KCNIP4: variants seen among roughly 807,000 people sequenced by gnomAD.
The protein encoded by KCNIP4 is Kv channel-interacting protein 4.
A neutral mutation model predicts 34.0 loss-of-function variants in KCNIP4; 12 were observed. That is an observed-to-expected ratio of 0.35 (90% CI 0.23 to 0.57). KCNIP4 has a LOEUF of 0.57. KCNIP4 is among the 20% of genes least tolerant of loss of function. KCNIP4 has a pLI of 0.83. For missense variants in KCNIP4, 238 were observed against 311.7 expected (o/e 0.76, Z 1.78); for synonymous variants, 124 against 102.2 (o/e 1.21, Z -1.29).
Position 21,460,892 on chromosome 4 carries a change from C to T in KCNIP4, c.61+487679G>A, listed in dbSNP as rs1199747295. Among the ~76,000 whole-genome samples the T allele has an allele frequency of 2.0e-5, 3 of 151,994 alleles. No homozygotes were observed. In the East Asian group the frequency reaches 5.8e-4, roughly 29 times the overall value. On this transcript the variant is annotated intron_variant, in intron 1 of 8. Coordinates refer to ENST00000382152, the MANE Select transcript of KCNIP4 (RefSeq NM_025221.6). Reference sequence around the variant, plus strand: ...ATGTATCCTTTAGACCCCTGCTAGTCATGATGTGGTTTGTGGACCAGTGCA... The same window carrying T: ...ATGTATCCTTTAGACCCCTGCTAGTTATGATGTGGTTTGTGGACCAGTGCA...
At chr4:21,376,880 C>G (rs1299057614) in intron 1 of KCNIP4, among the ~76,000 whole-genome samples, 1 of 152,134 alleles carries the variant, frequency 6.6e-6, no homozygotes, top group East Asian at 1.9e-4. Context: ...ATGCATATGA[C>G]AGATTATTAT....
At chr4:20,885,121 T>C (rs562106712) in intron 1 of KCNIP4, among the ~76,000 whole-genome samples, 1 of 151,832 alleles carries the variant, frequency 6.6e-6, no homozygotes, top group Admixed American at 6.6e-5. Context: ...AAGCTAACTT[T>C]GGGAGAAATT....
chr4:21,031,308 C>T lies in KCNIP4; in HGVS notation c.62-148599G>A, dbSNP rs547256727. On this transcript the variant is annotated intron_variant, in intron 1 of 8. Transcript: ENST00000382152. ...CATTGAATCCTCACTCTGTGCCAGACATCTTTCATTTATGAAATAGTAGCT... is the reference window on the plus strand; with the variant it reads ...CATTGAATCCTCACTCTGTGCCAGATATCTTTCATTTATGAAATAGTAGCT... 8.7e-4 allele frequency among the ~76,000 whole-genome samples: 133 copies of T among 152,320 alleles called. 3 individuals are homozygous for T. In the South Asian group the frequency reaches 0.024, roughly 28 times the overall value.
intron 1 of KCNIP4, chr4:21,851,720 T>C (rs896869786): frequency 6.6e-5 from 10 of 152,062 alleles, no homozygotes; most frequent in East Asian, 1.9e-4. Flanking sequence ...TCCAACCAAA[T>C]TGCGGAAAAG....
At chr4:21,723,093 T>G (rs1016468583) in intron 1 of KCNIP4, among the ~76,000 whole-genome samples, 1 of 152,106 alleles carries the variant, frequency 6.6e-6, no homozygotes, top group Non-Finnish European at 1.5e-5. Flanking sequence ...ATCTAATGGG[T>G]CTATGAAAAG....
chr4:20,728,713 T>C lies in KCNIP4; in HGVS notation c.*1369A>G, dbSNP rs1311850135. ...ATGGCAAATTTCAGTGTACATGTAT[T>C]GTACTACTCTTAATTTCTACACTGG... On this transcript the variant is annotated 3_prime_UTR_variant, in exon 9 of 9. Transcript: ENST00000382152. The C allele has an allele frequency of 1.3e-5, 2 of 152,640 alleles. No individual in the cohort carries two copies. The highest frequency in any genetic ancestry group is 4.8e-5 in the African/African-American group (2 of 41,476). 9.5% of individuals were successfully genotyped at this position (152,640 alleles called of 1,614,324 possible). A position where few individuals can be genotyped will look rare whatever the true frequency, so the allele number is the denominator to read the frequency against.
chr4:21,219,801 A>C (rs1297697708), intron 1 of KCNIP4, among the ~76,000 whole-genome samples: 1 of 152,068 alleles, frequency 6.6e-6, no homozygotes, highest in Non-Finnish European at 1.5e-5. Flanking sequence ...TTTAGTTTTA[A>C]AATTAGAGAT....
At chr4:21,791,588 GT>G (rs1306199969) in intron 1 of KCNIP4, among the ~76,000 whole-genome samples, 1 of 152,112 alleles carries the variant, frequency 6.6e-6, no homozygotes, top group African/African-American at 2.4e-5. Context: ...ACTCACTCTG[GT>G]GAGTAAGATG....
At chr4:20,947,403 A>T (rs770123223) in intron 1 of KCNIP4, among the ~76,000 whole-genome samples, 51 of 152,140 alleles carry the variant, frequency 3.4e-4, no homozygotes, top group Admixed American at 5.9e-4. Flanking sequence ...TCCTGCCCTC[A>T]TGTGGTCCAC....
chr4:21,901,873 C>T (rs2108969057), intron 1 of KCNIP4, among the ~76,000 whole-genome samples: 1 of 152,166 alleles, frequency 6.6e-6, no homozygotes, highest in Non-Finnish European at 1.5e-5. Context: ...TCAGAATAGG[C>T]CCTCCTATTC....
intron 1 of KCNIP4, among the ~76,000 whole-genome samples, chr4:21,524,820 C>T (rs1246953825): frequency 1.3e-5 from 2 of 151,916 alleles, no homozygotes; most frequent in African/African-American, 2.4e-5. Flanking sequence ...TTGCATCATG[C>T]GTAGTGCCTT....
At chr4:20,927,133 C>T (rs1034456628) in intron 1 of KCNIP4, among the ~76,000 whole-genome samples, 3 of 152,032 alleles carry the variant, frequency 2.0e-5, no homozygotes, top group African/African-American at 7.2e-5. Flanking sequence ...TCCATGTCAC[C>T]ACACCTGGCT....
chr4:21,928,263 G>A (rs1156721415), intron 1 of KCNIP4, among the ~76,000 whole-genome samples: 2 of 151,958 alleles, frequency 1.3e-5, no homozygotes, highest in African/African-American at 2.4e-5. Flanking sequence ...GTCACCCTCT[G>A]GAGCCCTGGA....
chr4:21,519,796 T>TACACGTGTGTGTATGTGTGTGTATAC (rs1406517625), intron 1 of KCNIP4, among the ~76,000 whole-genome samples: 147 of 131,266 alleles, frequency 1.1e-3, no homozygotes, highest in Non-Finnish European at 2.0e-3. Flanking sequence ...TGTGTGTGTA[T>TACACGTGTGTGTATGTGTGTGTATAC]ACACGTGTGT....
intron 1 of KCNIP4, among the ~76,000 whole-genome samples, chr4:21,665,521 CCT>C (rs201332118): frequency 0.014 from 2,156 of 149,670 alleles, 48 homozygotes; most frequent in African/African-American, 0.048. Flanking sequence ...ACCCCCCCCC[CCT>C]CATTTTATAC....
At chr4:21,479,950 T>C (rs1303583185) in intron 1 of KCNIP4, among the ~76,000 whole-genome samples, 1 of 151,608 alleles carries the variant, frequency 6.6e-6, no homozygotes, top group African/African-American at 2.4e-5. Flanking sequence ...AGATAAATAA[T>C]ATTAGGAATA....
intron 1 of KCNIP4, among the ~76,000 whole-genome samples, chr4:21,445,935 CA>C (rs1727944963): frequency 6.6e-6 from 1 of 152,090 alleles, no homozygotes; most frequent in South Asian, 2.1e-4. Context: ...AAGAAAAAAA[CA>C]AACAACCCCA....
chr4:21,319,708 C>T (rs1280883723), intron 1 of KCNIP4, among the ~76,000 whole-genome samples: 1 of 152,152 alleles, frequency 6.6e-6, no homozygotes, highest in Non-Finnish European at 1.5e-5. Flanking sequence ...CAGATGCACA[C>T]AAGACACACA....
intron 1 of KCNIP4, among the ~76,000 whole-genome samples, chr4:21,332,178 A>C (rs1715706197): frequency 6.6e-6 from 1 of 152,068 alleles, no homozygotes. Flanking sequence ...GTCCTCTAGA[A>C]TATAACCTAT....
Sources: gnomAD v4.1 joint callset for allele counts (sites outside exome capture counted in the v4.1 genomes callset) on GRCh38, gnomAD v4.1.1 for gene constraint, MANE v1.5 for transcripts, NCBI Gene and HGNC (gene_info 2026-07-23, HGNC 2026-07-21) for gene names.